LDLRAD3: variants seen among roughly 807,000 people sequenced by gnomAD.
The protein encoded by LDLRAD3 is low density lipoprotein receptor class A domain containing 3.
LDLRAD3 carries 20 observed loss-of-function variants against 29.4 expected under a neutral mutation model. That is an observed-to-expected ratio of 0.68 (90% confidence interval 0.48 to 0.99). The LOEUF is 0.99. Ranked by LOEUF, LDLRAD3 falls within the 50% of genes least tolerant of loss-of-function variation. The pLI is 0.00. For synonymous variants in LDLRAD3, 157 were observed against 192.7 expected (o/e 0.81, Z 1.53); for missense variants, 420 against 454.3 (o/e 0.92, Z 0.69).
intron 4 of LDLRAD3, among the ~76,000 whole-genome samples, chr11:36,156,432 C>T (rs2133332974): frequency 6.6e-6 from 1 of 152,360 alleles, no homozygotes; most frequent in Admixed American, 6.5e-5. Flanking sequence ...TACAGGGCCA[C>T]TTGGATCAGG....
rs1459954202 is a variant in LDLRAD3 at position 36,195,298 on chromosome 11, TAGAAGCA to T, written c.455-31786_455-31780del. Among the ~76,000 whole-genome samples the T allele has an allele frequency of 5.4e-3, 17 of 3,166 alleles. No individual in the cohort carries two copies. In the East Asian group the frequency reaches 0.25, roughly 47 times the overall value. The allele number at this position is 3,166 out of a possible 152,430, so 2.1% of individuals were successfully genotyped here. ...AAAGTTGTGCATTTTTCTAGAAGCA[TAGAAGCA>T]TCGTACTATGTTGGCATTGCACATA... On this transcript the variant is annotated intron_variant, in intron 4 of 5. Coordinates refer to ENST00000315571, the MANE Select transcript of LDLRAD3 (RefSeq NM_174902.4).
intron 2 of LDLRAD3, among the ~76,000 whole-genome samples, chr11:36,041,850 C>T (rs1453227536): frequency 4.0e-5 from 6 of 148,472 alleles, no homozygotes; most frequent in African/African-American, 1.2e-4. Flanking sequence ...ACAGACCTGG[C>T]CCTTTATGTT....
intron 1 of LDLRAD3, among the ~76,000 whole-genome samples, chr11:36,004,305 A>G (rs1351954335): frequency 2.0e-5 from 3 of 152,290 alleles, no homozygotes; most frequent in African/African-American, 7.2e-5. Flanking sequence ...TTTTGTTTCA[A>G]GTGGGGGAAA....
At chr11:36,041,775 T>G (rs978352241) in intron 2 of LDLRAD3, among the ~76,000 whole-genome samples, 1 of 152,314 alleles carries the variant, frequency 6.6e-6, no homozygotes, top group South Asian at 2.1e-4. Flanking sequence ...TGGGGTCGTC[T>G]TCCCAAGGCG....
chr11:36,083,605 A>G (rs1853149406), intron 3 of LDLRAD3, among the ~76,000 whole-genome samples: 1 of 152,174 alleles, frequency 6.6e-6, no homozygotes, highest in African/African-American at 2.4e-5. Flanking sequence ...CATAGTTACT[A>G]GGATTTTGCC....
At chr11:36,159,235 G>T (rs1854399625) in intron 4 of LDLRAD3, among the ~76,000 whole-genome samples, 1 of 152,142 alleles carries the variant, frequency 6.6e-6, no homozygotes, top group African/African-American at 2.4e-5. Flanking sequence ...AGGACACGAA[G>T]GCCGAAGCAT....
At chr11:36,183,380 G>A (rs1413014800) in intron 4 of LDLRAD3, among the ~76,000 whole-genome samples, 1 of 152,164 alleles carries the variant, frequency 6.6e-6, no homozygotes, top group African/African-American at 2.4e-5. Context: ...TTCAAAATAT[G>A]TTTTGATTTT....
Position 35,997,138 on chromosome 11 carries a change from T to G in LDLRAD3, c.47-38965T>G, listed in dbSNP as rs540961005. On this transcript the variant is annotated intron_variant, in intron 1 of 5. Coordinates refer to ENST00000315571, the MANE Select transcript of LDLRAD3 (RefSeq NM_174902.4). Reference sequence around the variant, plus strand: ...TTATGATTAGGTGGAAACTTTTGTTTCTTTTTTTTAGTTGTCAAATGATCC... The same window carrying G: ...TTATGATTAGGTGGAAACTTTTGTTGCTTTTTTTTAGTTGTCAAATGATCC... 2.1e-4 allele frequency: 56 copies of G among 272,060 alleles called. 1 individual carries two copies. In the South Asian group the frequency reaches 2.1e-3, roughly 10 times the overall value. 16.9% of individuals were successfully genotyped at this position (272,060 alleles called of 1,614,324 possible).
At chr11:36,092,123 A>G (rs1394602983) in intron 3 of LDLRAD3, among the ~76,000 whole-genome samples, 1 of 152,222 alleles carries the variant, frequency 6.6e-6, no homozygotes, top group Non-Finnish European at 1.5e-5. Context: ...AGACGTATCG[A>G]ATCTTGGCTT....
At chr11:36,048,059 C>T (rs1852477525) in intron 2 of LDLRAD3, among the ~76,000 whole-genome samples, 1 of 152,128 alleles carries the variant, frequency 6.6e-6, no homozygotes, top group Admixed American at 6.5e-5. Flanking sequence ...CTGCCTTCCC[C>T]AGGGATGCAT....
chr11:36,204,505 T>G (rs1217295693), intron 4 of LDLRAD3, among the ~76,000 whole-genome samples: 1 of 151,704 alleles, frequency 6.6e-6, no homozygotes, highest in African/African-American at 2.4e-5. Context: ...TTTCTTTTTT[T>G]TTTTTTTGAG....
chr11:36,078,944 T>G (rs1381017636), intron 2 of LDLRAD3, among the ~76,000 whole-genome samples: 3 of 152,124 alleles, frequency 2.0e-5, no homozygotes, highest in African/African-American at 7.2e-5. Context: ...ATCAGCTGGG[T>G]GCTCGCAGGC....
At chr11:36,185,754 C>T (rs1237353690) in intron 4 of LDLRAD3, among the ~76,000 whole-genome samples, 1 of 152,220 alleles carries the variant, frequency 6.6e-6, no homozygotes, top group African/African-American at 2.4e-5. Context: ...TGAAAACACA[C>T]ATTCTTCTCT....
chr11:36,168,498 CTTTTTTT>C (rs5791083), intron 4 of LDLRAD3, among the ~76,000 whole-genome samples: 2 of 115,830 alleles, frequency 1.7e-5, no homozygotes, highest in Non-Finnish European at 1.7e-5. Flanking sequence ...TTTCTTTCTT[CTTTTTTT>C]TTTTTTTTTT....
intron 4 of LDLRAD3, among the ~76,000 whole-genome samples, chr11:36,118,670 T>G (rs1203456677): frequency 6.6e-6 from 1 of 152,224 alleles, no homozygotes; most frequent in East Asian, 1.9e-4. Flanking sequence ...TAGGGTTTTT[T>G]TAACAGCTTT....
chr11:35,969,186 C>G (rs530946453), intron 1 of LDLRAD3, among the ~76,000 whole-genome samples: 1 of 152,342 alleles, frequency 6.6e-6, no homozygotes, highest in South Asian at 2.1e-4. Flanking sequence ...CGAGGTCCTT[C>G]TCACTTCATG....
chr11:36,095,401 C>T (rs573956140), intron 3 of LDLRAD3, among the ~76,000 whole-genome samples: 156 of 152,326 alleles, frequency 1.0e-3, no homozygotes, highest in Admixed American at 3.5e-3. Context: ...CACGTCATCA[C>T]CAGTGACAGT....
chr11:36,016,390 AACTT>A (rs140921285), intron 1 of LDLRAD3, among the ~76,000 whole-genome samples: 2,750 of 152,316 alleles, frequency 0.018, 66 homozygotes, highest in African/African-American at 0.062. Flanking sequence ...TCTTATCCCA[AACTT>A]ACTTCTCTTG....
At chr11:36,006,416 G>A (rs1474361620) in intron 1 of LDLRAD3, among the ~76,000 whole-genome samples, 1 of 152,200 alleles carries the variant, frequency 6.6e-6, no homozygotes, top group Non-Finnish European at 1.5e-5. Context: ...GAATTAAATG[G>A]AACAGGTTTA....
Sources: allele counts gnomAD v4.1 joint callset (sites outside exome capture counted in the v4.1 genomes callset), GRCh38; gene constraint gnomAD v4.1.1; transcripts MANE v1.5; gene names NCBI Gene and HGNC (gene_info 2026-07-23, HGNC 2026-07-21).